Variants in NLRP5 observed in about 807,000 individuals in gnomAD.
The protein encoded by NLRP5 is NLR family pyrin domain containing 5.
A neutral mutation model predicts 113.1 loss-of-function variants in NLRP5; 93 were observed. The ratio of observed to expected loss-of-function variants is 0.82; its 90% CI spans 0.70 to 0.98. NLRP5 has a LOEUF of 0.98. Ranked by LOEUF, NLRP5 falls within the 50% of genes least tolerant of loss-of-function variation. The pLI is 0.00. For synonymous variants in NLRP5, 751 were observed against 600.7 expected, an observed-to-expected ratio of 1.25 and a Z score of -3.66; for missense variants, 1,808 against 1,514.3, an observed-to-expected ratio of 1.19 and a Z score of -3.22.
intron 3 of NLRP5, among the ~76,000 whole-genome samples, chr19:56,009,703 A>G (rs953563066): frequency 2.0e-5 from 3 of 152,192 alleles, no homozygotes; most frequent in Admixed American, 1.3e-4. Flanking sequence ...CATAGACACC[A>G]TGAATTCTCC....
At chr19:55,987,759 T>C in the NLRP5 span, 6 of 1,281,068 alleles carry the variant, frequency 4.7e-6, no homozygotes, top group Non-Finnish European at 6.8e-6. Context: ...CTTAGGGAAG[T>C]CACTCATCCT....
Position 56,004,035 on chromosome 19 carries a change from A to G in NLRP5, c.382A>G (p.Ser128Gly). 1 of 1,613,742 alleles carries G rather than the reference A, an allele frequency of 6.2e-7. No individual in the cohort carries two copies. Among genetic ancestry groups the G allele is most frequent in the Non-Finnish European group, 8.5e-7 (1 of 1,179,790 alleles). Residue 128 changes from serine to glycine, a missense_variant, in exon 2 of 15, where the codon AGC (serine) becomes GGC (glycine). By Grantham distance (56) the Ser-to-Gly change is moderately conservative (BLOSUM62 0). Coordinates refer to ENST00000390649, the MANE Select transcript of NLRP5 (RefSeq NM_153447.4). ...ATCGCTGGCCTGGGCTACGTCCATT[A>G]GCATCTTTGAAAACATGAACCTGCG...
chr19:56,022,872 GTGC>G (rs1399062689), intron 6 of NLRP5, among the ~76,000 whole-genome samples: 1 of 152,100 alleles, frequency 6.6e-6, no homozygotes, highest in Non-Finnish European at 1.5e-5. Context: ...TTACAGGCAT[GTGC>G]CACCACACCC....
chr19:56,029,624 A>C (rs1415090157), intron 7 of NLRP5, among the ~76,000 whole-genome samples: 1 of 152,192 alleles, frequency 6.6e-6, no homozygotes, highest in African/African-American at 2.4e-5. Context: ...CAGGTCTAGA[A>C]AACACACTTT....
chr19:56,018,675 C>T (rs998241587), intron 4 of NLRP5: 1 of 152,600 alleles, frequency 6.6e-6, no homozygotes, highest in East Asian at 1.9e-4. Context: ...CCGTAGCTCA[C>T]TACAGCCTCA....
In NLRP5 at chr19:56,026,947, C is replaced by T. The variant is rs748328723; in HGVS notation, c.714C>T (p.His238=). 30 of 1,551,512 alleles carry T rather than the reference C, an allele frequency of 1.9e-5. 1 individual carries two copies. The highest frequency in any genetic ancestry group is 1.2e-4 in the Admixed American group (6 of 50,960). The change falls in exon 7 of 15, where the codon CAC becomes CAT. Residue 238 remains histidine, a synonymous_variant. Transcript: ENST00000390649. ...GTGACACATGGGACTACAAGAGTCACGTGATGACCAAATTCGCTGAGGAGG... is the reference window on the plus strand; with the variant it reads ...GTGACACATGGGACTACAAGAGTCATGTGATGACCAAATTCGCTGAGGAGG...
chr19:56,006,254 A>G (rs1981905448), intron 2 of NLRP5, among the ~76,000 whole-genome samples: 1 of 152,080 alleles, frequency 6.6e-6, no homozygotes, highest in South Asian at 2.1e-4. Context: ...GAAGGGGAAC[A>G]TCACACACCG....
At chr19:55,999,706 C>T (rs762676078), upstream of NLRP5, 2 of 1,595,602 alleles carry the variant, frequency 1.3e-6, no homozygotes, top group Non-Finnish European at 1.7e-6. Context: ...TGTTCAGTTA[C>T]TTTCCATGGC....
intron 11 of NLRP5, among the ~76,000 whole-genome samples, chr19:56,047,531 G>C (rs1983774012): frequency 1.3e-5 from 2 of 152,064 alleles, no homozygotes; most frequent in South Asian, 2.1e-4. Flanking sequence ...GTGTTTGCAT[G>C]GTTTTGAAGG....
At chr19:56,033,736 T>G in intron 9 of NLRP5, 27 bp downstream of exon 9, 1 of 1,567,498 alleles carries the variant, frequency 6.4e-7, no homozygotes, top group South Asian at 1.2e-5. Context: ...GCTTTTGCCT[T>G]GTTTTTCTTC....
At chr19:56,045,169 C>G (rs1226230671) in intron 11 of NLRP5, among the ~76,000 whole-genome samples, 1 of 152,176 alleles carries the variant, frequency 6.6e-6, no homozygotes, top group Non-Finnish European at 1.5e-5. Context: ...GACAGTTTGA[C>G]TTTCCTGACT....
chr19:56,046,520 T>C (rs772150593), intron 11 of NLRP5, among the ~76,000 whole-genome samples: 2 of 151,320 alleles, frequency 1.3e-5, no homozygotes, highest in Non-Finnish European at 2.9e-5. Context: ...TGTGGAATAG[T>C]GTCGAAAGGA....
intron 13 of NLRP5, among the ~76,000 whole-genome samples, chr19:56,056,912 A>C (rs1398111765): frequency 6.6e-6 from 1 of 151,996 alleles, no homozygotes; most frequent in Non-Finnish European, 1.5e-5. Flanking sequence ...GGCTGAGGCC[A>C]GTGGATCACT....
intron 3 of NLRP5, 124 bp downstream of exon 3, chr19:56,008,977 A>G: frequency 3.8e-6 from 3 of 795,196 alleles, no homozygotes; most frequent in Non-Finnish European, 4.3e-6. Context: ...TAACTACCCT[A>G]CATTAGCTGA....
At position 56,061,451 on chromosome 19, in the gene NLRP5, C is replaced by G. The variant is rs1194931695; in HGVS notation, c.3526C>G (p.Leu1176Val). 3.1e-6 allele frequency: 5 copies of G among 1,613,844 alleles called. No homozygotes were observed. Among genetic ancestry groups the G allele is most frequent in the Non-Finnish European group, 4.2e-6 (5 of 1,179,830 alleles). The stretch of plus-strand genomic sequence containing the variant: ...AAGGAAGCTGCTGGAGGAAGTGCAG[C>G]TACTCAAGCCCCGAGTCGTAATTGA... Residue 1176 changes from leucine to valine, a missense_variant, in exon 15 of 15, where the codon CTA becomes GTA. Coordinates refer to ENST00000390649, the MANE Select transcript of NLRP5 (RefSeq NM_153447.4).
intron 3 of NLRP5, among the ~76,000 whole-genome samples, chr19:56,015,457 A>C (rs1197629844): frequency 1.3e-5 from 2 of 152,142 alleles, no homozygotes; most frequent in Non-Finnish European, 2.9e-5. Context: ...CGGCCTCCCA[A>C]AGTGCTGGTA....
intron 9 of NLRP5, among the ~76,000 whole-genome samples, chr19:56,036,472 C>T (rs416009): frequency 0.043 from 6,596 of 152,186 alleles, 196 homozygotes; most frequent in South Asian, 0.07. Flanking sequence ...TATTCAATAA[C>T]GACAGACGCT....
intron 13 of NLRP5, among the ~76,000 whole-genome samples, chr19:56,056,999 G>T (rs541876948): frequency 6.6e-5 from 10 of 152,186 alleles, no homozygotes; most frequent in Non-Finnish European, 1.2e-4. Flanking sequence ...AATTAGGCAT[G>T]GTGGCAGGCG....
At chr19:56,036,434 C>G (rs901304256) in intron 9 of NLRP5, among the ~76,000 whole-genome samples, 3 of 151,468 alleles carry the variant, frequency 2.0e-5, no homozygotes, top group Admixed American at 6.6e-5. Flanking sequence ...GTTCCTGGGA[C>G]ATGCTGATAA....
Sources: gnomAD v4.1 joint callset for allele counts (sites outside exome capture counted in the v4.1 genomes callset) on GRCh38, gnomAD v4.1.1 for gene constraint, MANE v1.5 for transcripts, NCBI Gene and HGNC (gene_info 2026-07-23, HGNC 2026-07-21) for gene names.